Variants in HECW2 observed in about 807,000 individuals in gnomAD.
The protein encoded by HECW2 is HECT, C2 and WW domain containing E3 ubiquitin protein ligase 2, also known as E3 ubiquitin-protein ligase HECW2.
HECW2 carries 61 observed loss-of-function variants against 175.2 expected under a neutral mutation model. The observed-to-expected ratio is 0.35, with a 90% CI of 0.28 to 0.43. The LOEUF is 0.43. Among genes scored for constraint, HECW2 ranks in the 20% least tolerant of loss-of-function variants. The pLI is 1.00. For missense variants in HECW2, 1,524 were observed against 2,000.5 expected (o/e 0.76, Z 4.54); for synonymous variants, 671 against 731.0 (o/e 0.92, Z 1.32).
chr2:196,377,273 A>G (rs1468979552), intron 2 of HECW2, among the ~76,000 whole-genome samples: 1 of 152,228 alleles, frequency 6.6e-6, no homozygotes, highest in African/African-American at 2.4e-5. Flanking sequence ...TCAGTTTTAA[A>G]GTTATCTACT....
chr2:196,343,804 C>A (rs1161196554), intron 2 of HECW2, 40 bp from the exon 3 acceptor site: 1 of 1,241,946 alleles, frequency 8.1e-7, no homozygotes, highest in South Asian at 1.2e-5. Context: ...TTAATTATAA[C>A]CTTTCTCTCC....
At chr2:196,367,639 C>G (rs116198543) in intron 2 of HECW2, among the ~76,000 whole-genome samples, 154 of 152,222 alleles carry the variant, frequency 1.0e-3, no homozygotes, top group African/African-American at 3.5e-3. Context: ...TCCCCCGCAA[C>G]CCACTACCCT....
intron 1 of HECW2, among the ~76,000 whole-genome samples, chr2:196,527,058 C>T (rs544129957): frequency 2.6e-5 from 4 of 152,318 alleles, no homozygotes; most frequent in East Asian, 3.9e-4. Context: ...TGGGCAATGG[C>T]GGGCGCCCCT....
chr2:196,518,991 A>G (rs1236675500), intron 1 of HECW2, among the ~76,000 whole-genome samples: 1 of 152,184 alleles, frequency 6.6e-6, no homozygotes, highest in East Asian at 1.9e-4. Flanking sequence ...CTTAACAATT[A>G]CAGTTCAATA....
chr2:196,509,085 C>T (rs1271595991), intron 1 of HECW2, among the ~76,000 whole-genome samples: 1 of 151,946 alleles, frequency 6.6e-6, no homozygotes, highest in East Asian at 1.9e-4. Context: ...AGCTCAAATG[C>T]AGGAAAATAA....
chr2:196,570,694 A>G (rs1690353882), intron 1 of HECW2, among the ~76,000 whole-genome samples: 1 of 152,248 alleles, frequency 6.6e-6, no homozygotes, highest in Admixed American at 6.5e-5. Flanking sequence ...TAGAACTTAA[A>G]GTATAATTTA....
intron 4 of HECW2, among the ~76,000 whole-genome samples, chr2:196,330,635 C>T (rs1288603672): frequency 7.9e-5 from 12 of 152,092 alleles, no homozygotes; most frequent in Non-Finnish European, 4.4e-5. Context: ...ATGTGATCAC[C>T]CTTGATATCA....
intron 28 of HECW2, among the ~76,000 whole-genome samples, chr2:196,213,781 A>C (rs1023735803): frequency 6.6e-6 from 1 of 152,188 alleles, no homozygotes; most frequent in Non-Finnish European, 1.5e-5. Flanking sequence ...TCCAGGGGGA[A>C]GCAGAAATGC....
chr2:196,271,406 T>G, intron 16 of HECW2, 117 bp from the exon 17 acceptor site: 1 of 676,616 alleles, frequency 1.5e-6, no homozygotes, highest in Admixed American at 2.6e-5. Flanking sequence ...GCCTCAGGCT[T>G]GCAAGTAGCT....
intron 1 of HECW2, among the ~76,000 whole-genome samples, chr2:196,521,304 A>AAAAAAAAAAAAAAAAAAAAAT (rs1553531650): frequency 6.7e-6 from 1 of 148,172 alleles, no homozygotes; most frequent in Non-Finnish European, 1.5e-5. Context: ...AAAAAAAAAA[A>AAAAAAAAAAAAAAAAAAAAAT]AAAGAAAGAA....
chr2:196,359,323 C>T (rs1693499964), intron 2 of HECW2, among the ~76,000 whole-genome samples: 1 of 152,128 alleles, frequency 6.6e-6, no homozygotes, highest in Non-Finnish European at 1.5e-5. Context: ...TGGCACACAT[C>T]TGTAGTCCCA....
intron 17 of HECW2, among the ~76,000 whole-genome samples, chr2:196,267,882 T>A (rs1689575245): frequency 1.3e-5 from 2 of 152,238 alleles, no homozygotes; most frequent in South Asian, 4.1e-4. Context: ...TCTTAAGTGG[T>A]GTGCCACAGA....
chr2:196,380,513 G>A (rs986606180), intron 2 of HECW2, among the ~76,000 whole-genome samples: 2 of 152,162 alleles, frequency 1.3e-5, no homozygotes, highest in South Asian at 2.1e-4. Context: ...TGCCACCTCA[G>A]GTAAGTGCAG....
At chr2:196,546,960 A>C (rs1689445725) in intron 1 of HECW2, among the ~76,000 whole-genome samples, 1 of 152,202 alleles carries the variant, frequency 6.6e-6, no homozygotes, top group South Asian at 2.1e-4. Flanking sequence ...AGACACAGAA[A>C]GAAGCTGAAG....
intron 21 of HECW2, 153 bp downstream of exon 21, chr2:196,240,295 CT>C: frequency 7.5e-5 from 32 of 427,520 alleles, no homozygotes; most frequent in South Asian, 1.3e-4. Context: ...CAGAGGAGAC[CT>C]TTAAAAAAAA....
chr2:196,203,830 G>A (rs112015899), intron 28 of HECW2, among the ~76,000 whole-genome samples: 2,329 of 152,052 alleles, frequency 0.015, 25 homozygotes, highest in Non-Finnish European at 0.025. Context: ...TCTGCATCTC[G>A]CAAAACTGAA....
intron 1 of HECW2, among the ~76,000 whole-genome samples, chr2:196,568,797 A>G (rs2222728): frequency 1.3e-5 from 2 of 152,034 alleles, no homozygotes; most frequent in Non-Finnish European, 2.9e-5. Flanking sequence ...AACCATCAAC[A>G]AGTATAGATA....
chr2:196,548,761 C>T (rs1255922939), intron 1 of HECW2, among the ~76,000 whole-genome samples: 1 of 152,184 alleles, frequency 6.6e-6, no homozygotes, highest in Non-Finnish European at 1.5e-5. Flanking sequence ...AAGGTGTTGG[C>T]AGGGTTGGTT....
At chr2:196,395,496 ACTC>A (rs1694634645) in intron 2 of HECW2, among the ~76,000 whole-genome samples, 1 of 152,154 alleles carries the variant, frequency 6.6e-6, no homozygotes, top group South Asian at 2.1e-4. Context: ...TATATAAAGA[ACTC>A]CTACAACTCA....
Sources: allele counts gnomAD v4.1 joint callset (sites outside exome capture counted in the v4.1 genomes callset), GRCh38; gene constraint gnomAD v4.1.1; transcripts MANE v1.5; gene names NCBI Gene and HGNC (gene_info 2026-07-23, HGNC 2026-07-21).